GALNT5: variants seen among roughly 807,000 people sequenced by gnomAD.
The protein encoded by GALNT5 is polypeptide N-acetylgalactosaminyltransferase 5, also known as UDP-GalNAc:polypeptide N-acetylgalactosaminyltransferase 5.
In GALNT5, 72 loss-of-function variants were observed where a neutral mutation model predicts 85.4. The ratio of observed to expected loss-of-function variants is 0.84; its 90% CI spans 0.70 to 1.03. GALNT5 has a LOEUF of 1.03. Ranked by LOEUF, GALNT5 falls within the 50% of genes least tolerant of loss-of-function variation. The pLI is 0.00. For synonymous variants in GALNT5, 404 were observed against 397.0 expected (o/e 1.02, Z -0.21); for missense variants, 1,137 against 1,135.5 (o/e 1.00, Z -0.02).
At chr2:157,265,968 C>T (rs1359079648) in intron 1 of GALNT5, among the ~76,000 whole-genome samples, 2 of 152,168 alleles carry the variant, frequency 1.3e-5, no homozygotes, top group Non-Finnish European at 2.9e-5. Context: ...CACAACTTGC[C>T]TTCTCATTTA....
chr2:157,281,212 C>A (rs1024385629), intron 1 of GALNT5, among the ~76,000 whole-genome samples: 1 of 152,114 alleles, frequency 6.6e-6, no homozygotes, highest in African/African-American at 2.4e-5. Context: ...TTACAGGCAC[C>A]CGCAACGATG....
chr2:157,294,240 G>A (rs1683160656), intron 3 of GALNT5, among the ~76,000 whole-genome samples: 1 of 152,188 alleles, frequency 6.6e-6, no homozygotes. Context: ...AACAGGAGAA[G>A]GCACTGGCTC....
At chr2:157,284,769 G>T (rs2289939) in intron 2 of GALNT5, among the ~76,000 whole-genome samples, 3,736 of 152,202 alleles carry the variant, frequency 0.025, 156 homozygotes, top group East Asian at 0.13. Context: ...CCCTTTTAAT[G>T]GAATCACAAT....
In GALNT5 at chr2:157,259,466, G is replaced by A. The variant is rs1682289240; in HGVS notation, c.1384G>A (p.Gly462Arg). ...GGAGGCAGAAAGAAGATGGAAAGAA[G>A]GAAACTTCAATGTCTACCTTAGCGA... ...EKEAERRWKE[G>R]NFNVYLSDLI... The change falls in exon 1 of 10, where the codon GGA (glycine) becomes AGA (arginine). Residue 462 changes from glycine (G) to arginine (R), a missense_variant. Coordinates refer to ENST00000259056, the MANE Select transcript of GALNT5 (RefSeq NM_014568.3). 6.8e-7 allele frequency: 1 copy of A among 1,461,984 alleles called. No homozygotes were observed. The allele number at this position is 1,461,984 out of a possible 1,614,324, so 90.6% of individuals were successfully genotyped here.
At chr2:157,306,770 G>C (rs193263196) in intron 8 of GALNT5, among the ~76,000 whole-genome samples, 3 of 152,218 alleles carry the variant, frequency 2.0e-5, no homozygotes, top group Admixed American at 6.5e-5. Context: ...TCTTAACTCA[G>C]AGCTACTACT....
At chr2:157,279,340 A>G (rs946159407) in intron 1 of GALNT5, among the ~76,000 whole-genome samples, 12 of 152,360 alleles carry the variant, frequency 7.9e-5, no homozygotes, top group Admixed American at 6.5e-4. Flanking sequence ...TGCTGGGAGA[A>G]CCACTGCTCT....
At position 157,286,299 on chromosome 2, in the gene GALNT5, CACAT is replaced by C. The variant is rs376776305; in HGVS notation, c.1741+167_1741+170del. On this transcript the variant is annotated intron_variant, in intron 3 of 9. Coordinates refer to ENST00000259056, the MANE Select transcript of GALNT5 (RefSeq NM_014568.3). Reference sequence around the variant, plus strand: ...TATAATATGTGCTTTATCATAAACACACATAGACACCTATTGTATATACTTTTTT... The same window carrying C: ...TATAATATGTGCTTTATCATAAACACAGACACCTATTGTATATACTTTTTT... Among the ~76,000 whole-genome samples, 472 of 152,100 alleles carry C rather than the reference CACAT, an allele frequency of 3.1e-3. 1 individual carries two copies. The highest frequency in any genetic ancestry group is 0.01 in the African/African-American group (435 of 41,550).
chr2:157,301,030 T>C, intron 7 of GALNT5, 31 bp downstream of exon 7: 2 of 1,494,898 alleles, frequency 1.3e-6, no homozygotes, highest in Non-Finnish European at 9.2e-7. Context: ...AAAATCTTAC[T>C]CCATAAAAAC....
At chr2:157,306,141 T>A (rs1335559421) in intron 8 of GALNT5, among the ~76,000 whole-genome samples, 1 of 152,186 alleles carries the variant, frequency 6.6e-6, no homozygotes, top group Non-Finnish European at 1.5e-5. Flanking sequence ...AGAACTGGTG[T>A]GAGGCTGGAG....
In GALNT5 at chr2:157,259,487, A is replaced by G; in HGVS notation, c.1405A>G (p.Ser469Gly). 2 of 1,439,622 alleles carry G rather than the reference A, an allele frequency of 1.4e-6. No homozygotes were observed. Among genetic ancestry groups the G allele is most frequent in the Non-Finnish European group, 1.8e-6 (2 of 1,091,768 alleles). 89.2% of individuals were successfully genotyped at this position (1,439,622 alleles called of 1,614,324 possible). Reference protein sequence around the residue: ...WKEGNFNVYLSDLIPVDRAIE... With the variant: ...WKEGNFNVYLGDLIPVDRAIE... ...AGAAGGAAACTTCAATGTCTACCTT[A>G]GCGATTTGATCCCAGTGGATAGAGC... The change falls in exon 1 of 10, where the codon AGC (serine) becomes GGC (glycine). Residue 469 changes from serine to glycine, a missense_variant. Coordinates refer to ENST00000259056, the MANE Select transcript of GALNT5 (RefSeq NM_014568.3).
At chr2:157,277,376 G>A (rs535160164) in intron 1 of GALNT5, among the ~76,000 whole-genome samples, 2 of 152,276 alleles carry the variant, frequency 1.3e-5, no homozygotes, top group East Asian at 3.9e-4. Context: ...GGATATCCCT[G>A]TTAACCTTCT....
At chr2:157,273,857 T>C (rs1437045866) in intron 1 of GALNT5, among the ~76,000 whole-genome samples, 1 of 151,878 alleles carries the variant, frequency 6.6e-6, no homozygotes, top group Non-Finnish European at 1.5e-5. Context: ...AATAATATAC[T>C]TTAAACCTGC....
chr2:157,305,630 C>T, intron 7 of GALNT5, 119 bp from the exon 8 acceptor site: 2 of 636,924 alleles, frequency 3.1e-6, no homozygotes, highest in South Asian at 1.9e-5. Context: ...CTAAGTAATG[C>T]TAAGCTATTA....
At chr2:157,269,145 C>T (rs1682525896) in intron 1 of GALNT5, among the ~76,000 whole-genome samples, 1 of 152,260 alleles carries the variant, frequency 6.6e-6, no homozygotes, top group Middle Eastern at 3.4e-3. Flanking sequence ...TAGCAAGTAA[C>T]CTTTCTTCCA....
intron 3 of GALNT5, among the ~76,000 whole-genome samples, chr2:157,291,452 C>T (rs1277665277): frequency 2.6e-5 from 4 of 152,046 alleles, no homozygotes; most frequent in Admixed American, 2.6e-4. Flanking sequence ...ACTTAGGAGG[C>T]ATTATGTAAA....
chr2:157,258,824 A>G lies in GALNT5; in HGVS notation c.742A>G (p.Lys248Glu). 6.3e-7 allele frequency: 1 copy of G among 1,589,862 alleles called. No homozygotes were observed. Among genetic ancestry groups the G allele is most frequent in the South Asian group, 1.1e-5 (1 of 88,454 alleles). Residue 248 changes from lysine (K) to glutamate (E), a missense_variant, in exon 1 of 10, where the codon AAG becomes GAG. Physicochemically the swap from Lys to Glu is moderately conservative, Grantham distance 56 (BLOSUM62 1). Coordinates refer to ENST00000259056, the MANE Select transcript of GALNT5 (RefSeq NM_014568.3). The part of the protein sequence containing the change: ...RAHPASTAVP[K>E]SGEAMALNKT... ...ACACCCTGCCAGCACAGCAGTGCCG[A>G]AGTCTGGGGAAGCCATGGCCTTAAA...
chr2:157,308,652 G>A lies in GALNT5; in HGVS notation c.2606G>A (p.Arg869Lys), dbSNP rs750626755. Residue 869 changes from arginine (R) to lysine (K), a missense_variant, in exon 9 of 10, where the codon AGG becomes AAG. Transcript: ENST00000259056. The part of the protein sequence containing the change: ...IAPIPDKGAV[R>K]LHPCDNRNKG... Reference sequence around the variant, plus strand: ...CCCATCCCTGATAAAGGAGCCGTAAGGCTGCACCCTTGTGATAACAGAAAC... The same window carrying A: ...CCCATCCCTGATAAAGGAGCCGTAAAGCTGCACCCTTGTGATAACAGAAAC... The A allele has an allele frequency of 6.2e-6, 10 of 1,613,718 alleles. No individual in the cohort carries two copies. The South Asian group carries it at 9.9e-5, about 16-fold the overall frequency.
At chr2:157,307,406 G>A (rs903349924) in intron 8 of GALNT5, among the ~76,000 whole-genome samples, 4 of 152,150 alleles carry the variant, frequency 2.6e-5, no homozygotes, top group Non-Finnish European at 5.9e-5. Flanking sequence ...AGTTTCCTTA[G>A]TTATTAACCT....
At chr2:157,290,944 C>G (rs543541871) in intron 3 of GALNT5, among the ~76,000 whole-genome samples, 19 of 152,130 alleles carry the variant, frequency 1.2e-4, no homozygotes, top group Non-Finnish European at 2.5e-4. Context: ...AGTTCTTCAT[C>G]TGAATCTAAT....
Sources: gnomAD v4.1 joint callset for allele counts (sites outside exome capture counted in the v4.1 genomes callset) on GRCh38, gnomAD v4.1.1 for gene constraint, MANE v1.5 for transcripts, NCBI Gene and HGNC (gene_info 2026-07-23, HGNC 2026-07-21) for gene names.